TSPAN17: variants seen among roughly 807,000 people sequenced by gnomAD.
TSPAN17 encodes tetraspanin-17.
In TSPAN17, 33 loss-of-function variants were observed where a neutral mutation model predicts 40.5. The observed-to-expected ratio is 0.81, with a 90% confidence interval of 0.62 to 1.09. TSPAN17 has a LOEUF of 1.09. Among genes scored for constraint, TSPAN17 ranks in the 50% least tolerant of loss-of-function variants. The pLI is 0.00. For missense variants in TSPAN17, 365 were observed against 416.8 expected, an observed-to-expected ratio of 0.88 and a Z score of 1.08; for synonymous variants, 166 against 169.4, an observed-to-expected ratio of 0.98 and a Z score of 0.15.
intron 6 of TSPAN17, 80 bp from the exon 7 acceptor site, chr5:176,656,620 G>A (rs1054841749): frequency 6.4e-6 from 9 of 1,415,548 alleles, no homozygotes; most frequent in Non-Finnish European, 7.9e-6. Context: ...CCCTGGGGTG[G>A]GCGTGAGCTT....
intron 8 of TSPAN17, 156 bp from the exon 9 acceptor site, chr5:176,657,362 G>C (rs771200213): frequency 2.8e-5 from 37 of 1,328,372 alleles, no homozygotes; most frequent in Non-Finnish European, 3.6e-5. Context: ...GTGCGTAGCT[G>C]TATGGGGCGC....
intron 5 of TSPAN17, among the ~76,000 whole-genome samples, 154 bp downstream of exon 5, chr5:176,655,174 C>T (rs994036622): frequency 2.0e-5 from 3 of 152,184 alleles, no homozygotes; most frequent in Non-Finnish European, 4.4e-5. Context: ...CCTGTTGGGG[C>T]GCGGCTGCTT....
intron 1 of TSPAN17, among the ~76,000 whole-genome samples, chr5:176,649,207 G>T (rs976474586): frequency 3.3e-5 from 5 of 152,196 alleles, no homozygotes; most frequent in Admixed American, 1.3e-4. Flanking sequence ...GGGCAAAGCT[G>T]GGATGGTGAG....
intron 8 of TSPAN17, 112 bp downstream of exon 8, chr5:176,657,068 G>T: frequency 8.5e-7 from 1 of 1,171,536 alleles, no homozygotes; most frequent in Non-Finnish European, 1.2e-6. Flanking sequence ...AGATGTTCCT[G>T]CTGGGACTGA....
In TSPAN17 at chr5:176,651,546, C is replaced by T. The variant is rs10213702; in HGVS notation, c.88-70C>T. 94 of 1,516,974 alleles carry T rather than the reference C, an allele frequency of 6.2e-5. No individual in the cohort carries two copies. Among genetic ancestry groups the T allele is most frequent in the Non-Finnish European group, 7.6e-5 (86 of 1,126,770 alleles). The allele number at this position is 1,516,974 out of a possible 1,614,324, so 94.0% of individuals were successfully genotyped here. A position where few individuals can be genotyped will look rare whatever the true frequency, so the allele number is the denominator to read the frequency against. On this transcript the variant is annotated intron_variant, in intron 1 of 8. Coordinates refer to ENST00000508164, the MANE Select transcript of TSPAN17 (RefSeq NM_130465.5). This position sits in a 1 kb window ranked among gnomAD's most constrained non-coding sequence, Gnocchi z 4.5. ...TCTCCGCTGGAAAGGCCCTGGCTAC[C>T]GGGGAAGGATGAGGGGGGAGGGTCC...
Position 176,651,691 on chromosome 5 carries a change from C to T in TSPAN17, c.138+25C>T. ...GGTAAGGCAGCGGGCGGGCGTGGAG[C>T]TGGTATGGGACGAGGTGGTGGGAAG... On this transcript the variant is annotated intron_variant, in intron 2 of 8. Coordinates refer to ENST00000508164, the MANE Select transcript of TSPAN17 (RefSeq NM_130465.5). The surrounding 1 kb of genome is among the most constrained non-coding windows in gnomAD (Gnocchi z 4.5). 4 of 1,614,004 alleles carry T rather than the reference C, an allele frequency of 2.5e-6. No individual in the cohort carries two copies. The East Asian group carries it at 6.7e-5, about 27-fold the overall frequency.
In TSPAN17 at chr5:176,651,547, G is replaced by C; in HGVS notation, c.88-69G>C. ...CTCCGCTGGAAAGGCCCTGGCTACCGGGGAAGGATGAGGGGGGAGGGTCCT... is the reference window on the plus strand; with the variant it reads ...CTCCGCTGGAAAGGCCCTGGCTACCCGGGAAGGATGAGGGGGGAGGGTCCT... On this transcript the variant is annotated intron_variant, in intron 1 of 8. Transcript: ENST00000508164. The surrounding 1 kb of genome is among the most constrained non-coding windows in gnomAD (Gnocchi z 4.5). The C allele has an allele frequency of 4.6e-6, 7 of 1,521,876 alleles. No individual in the cohort carries two copies. The South Asian group carries it at 6.2e-5, about 14-fold the overall frequency. 94.3% of individuals were successfully genotyped at this position (1,521,876 alleles called of 1,614,324 possible). A position where few individuals can be genotyped will look rare whatever the true frequency, so the allele number is the denominator to read the frequency against.
At chr5:176,649,445 GAGACAGA>G (rs1760879098) in intron 1 of TSPAN17, among the ~76,000 whole-genome samples, 1 of 136,500 alleles carries the variant, frequency 7.3e-6, no homozygotes, top group Non-Finnish European at 1.6e-5. Context: ...TTTTTTTTTT[GAGACAGA>G]GTTTTGCTCT....
rs1490130459 is a variant in TSPAN17 at position 176,651,963 on chromosome 5, C to T, written c.285+63C>T. The T allele has an allele frequency of 4.4e-6, 7 of 1,591,548 alleles. No homozygotes were observed. The East Asian group carries it at 1.6e-4, about 36-fold the overall frequency. On this transcript the variant is annotated intron_variant, in intron 3 of 8. Coordinates refer to ENST00000508164, the MANE Select transcript of TSPAN17 (RefSeq NM_130465.5). The surrounding 1 kb of genome is among the most constrained non-coding windows in gnomAD (Gnocchi z 4.5). ...CTCCTCCCATCCAGTTCTTGCAATA[C>T]AGTTGGAGCTTAATGATGGGTAGCT...
In TSPAN17 at chr5:176,656,723, C is replaced by T; in HGVS notation, c.654C>T (p.Ile218=). 4 of 1,614,172 alleles carry T rather than the reference C, an allele frequency of 2.5e-6. No individual in the cohort carries two copies. Among genetic ancestry groups the T allele is most frequent in the Non-Finnish European group, 2.5e-6 (3 of 1,180,002 alleles). ...AGGAGCTGGAGCAGCAGGGCTTCAT[C>T]CACACCAAAGGCTGCGTGGGCCAGT... ...LKLELEQQGF[I]HTKGCVGQFE... is the part of the protein sequence containing the mutation. Residue 218 remains isoleucine, a synonymous_variant, in exon 7 of 9, where the codon ATC becomes ATT. Coordinates refer to ENST00000508164, the MANE Select transcript of TSPAN17 (RefSeq NM_130465.5).
intron 1 of TSPAN17, among the ~76,000 whole-genome samples, chr5:176,648,734 G>A (rs111360536): frequency 5.1e-4 from 77 of 152,322 alleles, no homozygotes; most frequent in Non-Finnish European, 9.3e-4. Flanking sequence ...TCTCCTCTCC[G>A]GGCCTCAGCT....
At chr5:176,656,262 C>A in intron 6 of TSPAN17, 137 bp downstream of exon 6, 1 of 926,116 alleles carries the variant, frequency 1.1e-6, no homozygotes, top group Non-Finnish European at 1.7e-6. Context: ...CAGCCAGACA[C>A]CCAGGCAGCG....
Position 176,651,780 on chromosome 5 carries a change from G to A in TSPAN17, c.165G>A (p.Leu55=), listed in dbSNP as rs1288503952. 1 of 1,614,180 alleles carries A rather than the reference G, an allele frequency of 6.2e-7. No homozygotes were observed. Among genetic ancestry groups the A allele is most frequent in the East Asian group, 2.2e-5 (1 of 44,868 alleles). ...GCGTTCTCTCGAACATCTCAGCGCT[G>A]ACAGATCTGGGAGGCCTTGACCCCG... ...EKGVLSNISA[L]TDLGGLDPVW... Residue 55 remains leucine, a synonymous_variant, in exon 3 of 9, where the codon CTG becomes CTA. Transcript: ENST00000508164. This position sits in a 1 kb window ranked among gnomAD's most constrained non-coding sequence, Gnocchi z 4.5.
chr5:176,653,031 GGA>G (rs1761031061), intron 4 of TSPAN17, 118 bp downstream of exon 4: 1 of 1,114,156 alleles, frequency 9.0e-7, no homozygotes, highest in East Asian at 2.4e-5. Flanking sequence ...GCGGGCCCCA[GGA>G]GAGAGACCCA....
intron 1 of TSPAN17, among the ~76,000 whole-genome samples, chr5:176,649,983 G>T (rs183707296): frequency 6.6e-6 from 1 of 152,166 alleles, no homozygotes; most frequent in South Asian, 2.1e-4. Context: ...CCCCCATCTC[G>T]TCGCCCCGCT....
Position 176,658,543 on chromosome 5 carries a change from A to ACATCGTGATGAG in TSPAN17, c.*846_*857dup, listed in dbSNP as rs1415225516. 6.6e-6 allele frequency: 1 copy of ACATCGTGATGAG among 152,274 alleles called. No homozygotes were observed. Among genetic ancestry groups the ACATCGTGATGAG allele is most frequent in the Non-Finnish European group, 1.5e-5 (1 of 68,060 alleles). 9.4% of individuals were successfully genotyped at this position (152,274 alleles called of 1,614,324 possible). A position where few individuals can be genotyped will look rare whatever the true frequency, so the allele number is the denominator to read the frequency against. On this transcript the variant is annotated 3_prime_UTR_variant, in exon 9 of 9. Transcript: ENST00000508164. Reference sequence around the variant, plus strand: ...TTTCCCACTGTTGCTGGAGACAAAGACATCGTGATGAGAGAAAGTTCGCAC... The same window carrying ACATCGTGATGAG: ...TTTCCCACTGTTGCTGGAGACAAAGACATCGTGATGAGCATCGTGATGAGAGAAAGTTCGCAC...
intron 8 of TSPAN17, chr5:176,657,273 G>A (rs1761197017): frequency 5.8e-6 from 4 of 691,846 alleles, no homozygotes; most frequent in Non-Finnish European, 9.5e-6. Context: ...CTCAGAGGGT[G>A]CAGGCCAAGT....
chr5:176,658,018 T>G lies in TSPAN17; in HGVS notation c.*320T>G. 1 of 249,376 alleles carries G rather than the reference T, an allele frequency of 4.0e-6. No individual in the cohort carries two copies. The highest frequency in any genetic ancestry group is 1.1e-4 in the East Asian group (1 of 9,206). The allele number at this position is 249,376 out of a possible 1,614,324, so 15.4% of individuals were successfully genotyped here. On this transcript the variant is annotated 3_prime_UTR_variant, in exon 9 of 9. Coordinates refer to ENST00000508164, the MANE Select transcript of TSPAN17 (RefSeq NM_130465.5). Reference sequence around the variant, plus strand: ...AGGGCGGCCTTGCTGGGGACTGCGGTGGGAGTAGAGTGCCCAGGAGAGGGT... The same window carrying G: ...AGGGCGGCCTTGCTGGGGACTGCGGGGGGAGTAGAGTGCCCAGGAGAGGGT...
In TSPAN17 at chr5:176,654,549, C is replaced by A; in HGVS notation, c.457-346C>A. ...TGGGAGGCCTGCTGCAGACATGGGG[C>A]CCAGCGGTCTCTGCTGCCACAGGGC... On this transcript the variant is annotated intron_variant, in intron 4 of 8. Transcript: ENST00000508164. This position sits in a 1 kb window ranked among gnomAD's most constrained non-coding sequence, Gnocchi z 4.3. 4.0e-6 allele frequency: 1 copy of A among 249,856 alleles called. No homozygotes were observed. The highest frequency in any genetic ancestry group is 6.4e-5 in the South Asian group (1 of 15,506). 15.5% of individuals were successfully genotyped at this position (249,856 alleles called of 1,614,324 possible).
Sources: allele counts gnomAD v4.1 joint callset (sites outside exome capture counted in the v4.1 genomes callset), GRCh38; gene constraint gnomAD v4.1.1; non-coding constraint Gnocchi (gnomAD v3.1); transcripts MANE v1.5; gene names NCBI Gene and HGNC (gene_info 2026-07-23, HGNC 2026-07-21).